The following CUX1 variants were observed in gnomAD, a reference collection of about 807,000 sequenced individuals.
The protein encoded by CUX1 is protein CASP.
In CUX1, 31 loss-of-function variants were observed where a neutral mutation model predicts 158.8. The ratio of observed to expected loss-of-function variants is 0.20; its 90% confidence interval spans 0.15 to 0.26. The LOEUF is 0.26. CUX1 is among the 10% of genes least tolerant of loss of function. CUX1 has a pLI of 1.00. For missense variants in CUX1, 1,589 were observed against 2,014.6 expected, an observed-to-expected ratio of 0.79 and a Z score of 4.04; for synonymous variants, 879 against 862.1, an observed-to-expected ratio of 1.02 and a Z score of -0.34.
chr7:101,861,888 G>T (rs1022484182), intron 1 of CUX1, among the ~76,000 whole-genome samples: 14 of 151,880 alleles, frequency 9.2e-5, no homozygotes, highest in Admixed American at 9.2e-4. Context: ...AGGCTGGAGT[G>T]CAGTGGCACA....
intron 4 of CUX1, among the ~76,000 whole-genome samples, chr7:102,086,045 G>C (rs1554480365): frequency 6.6e-6 from 1 of 152,090 alleles, no homozygotes; most frequent in East Asian, 1.9e-4. Flanking sequence ...TATCAAATTT[G>C]TTGGCATAAT....
At chr7:102,224,754 T>C (rs1554528067) in intron 20 of CUX1, among the ~76,000 whole-genome samples, 1 of 152,176 alleles carries the variant, frequency 6.6e-6, no homozygotes, top group East Asian at 1.9e-4. Flanking sequence ...GTACAGCCTC[T>C]GAGTTTCGTG....
At chr7:101,831,985 G>A (rs986925825) in intron 1 of CUX1, among the ~76,000 whole-genome samples, 5 of 152,076 alleles carry the variant, frequency 3.3e-5, no homozygotes, top group African/African-American at 4.8e-5. Context: ...GGCCTCAGGC[G>A]ATCCTCCTGC....
chr7:101,976,866 G>A (rs913093053), intron 2 of CUX1, among the ~76,000 whole-genome samples: 1 of 109,160 alleles, frequency 9.2e-6, no homozygotes, highest in African/African-American at 3.5e-5. Flanking sequence ...AGTTGATATT[G>A]TAACTAGAAT....
intron 1 of CUX1, among the ~76,000 whole-genome samples, chr7:101,848,051 C>CAAAAAAAAAAAAA (rs57428019): frequency 6.1e-5 from 4 of 65,366 alleles, no homozygotes; most frequent in South Asian, 6.0e-4. Context: ...GAGCAAGACT[C>CAAAAAAAAAAAAA]AAAAAAAAAA....
chr7:102,238,613 C>T (rs370155334), intron 22 of CUX1, among the ~76,000 whole-genome samples: 14 of 152,312 alleles, frequency 9.2e-5, no homozygotes, highest in African/African-American at 2.9e-4. Flanking sequence ...CTTGTGTCCT[C>T]GGTCTCTTGC....
chr7:102,178,399 C>G, intron 10 of CUX1, 70 bp from the exon 11 acceptor site: 1 of 1,424,292 alleles, frequency 7.0e-7, no homozygotes, highest in Non-Finnish European at 9.6e-7. Flanking sequence ...GTCTCAGTTG[C>G]CAGCACAGGT....
chr7:102,259,551 G>A (rs571155999), downstream of CUX1, among the ~76,000 whole-genome samples: 3 of 152,266 alleles, frequency 2.0e-5, no homozygotes, highest in Non-Finnish European at 2.9e-5. Flanking sequence ...TTGTGCCACT[G>A]CACTCCGGCC....
intron 1 of CUX1, among the ~76,000 whole-genome samples, chr7:101,887,842 C>CCTTTTTTTTTTTTT (rs1562966470): frequency 1.5e-5 from 2 of 135,038 alleles, no homozygotes; most frequent in Non-Finnish European, 1.6e-5. Context: ...ATGACGGTGA[C>CCTTTTTTTTTTTTT]ATTTTTTTTT....
downstream of CUX1, among the ~76,000 whole-genome samples, chr7:102,262,259 C>G (rs1554544036): frequency 6.6e-6 from 1 of 152,180 alleles, no homozygotes; most frequent in East Asian, 1.9e-4. Context: ...AAAAAATTAG[C>G]CAGGCGTGGT....
chr7:102,267,355 G>A (rs1055262668), intron 14 of CUX1, among the ~76,000 whole-genome samples: 2 of 151,882 alleles, frequency 1.3e-5, no homozygotes, highest in Non-Finnish European at 2.9e-5. Context: ...CCAACGTGAC[G>A]AAACTCTGTC....
At chr7:102,063,204 A>G (rs1354337976) in intron 3 of CUX1, among the ~76,000 whole-genome samples, 3 of 151,846 alleles carry the variant, frequency 2.0e-5, no homozygotes, top group African/African-American at 7.3e-5. Context: ...AGTAGCGGCC[A>G]TTAGTGCAGA....
At chr7:102,135,365 G>A (rs1394617322) in intron 8 of CUX1, among the ~76,000 whole-genome samples, 3 of 152,092 alleles carry the variant, frequency 2.0e-5, no homozygotes, top group Non-Finnish European at 1.5e-5. Flanking sequence ...CATCAAAAAG[G>A]TCTTCATCCC....
rs922289110 is a variant in CUX1 at position 101,911,062 on chromosome 7, G to A, written c.31-5053G>A. On this transcript the variant is annotated intron_variant, in intron 1 of 23. Transcript: ENST00000292535. ...CACCCCAGCTGTACACCAGCGTCAC[G>A]GGATGAGGGATGCCTGTGTGCACGT... Among the ~76,000 whole-genome samples the A allele has an allele frequency of 5.2e-5, 8 of 152,394 alleles. No homozygotes were observed. The East Asian group carries it at 9.6e-4, about 18-fold the overall frequency.
chr7:102,142,006 A>G (rs527264666), intron 8 of CUX1, among the ~76,000 whole-genome samples: 1 of 152,096 alleles, frequency 6.6e-6, no homozygotes, highest in African/African-American at 2.4e-5. Context: ...AAACCCTTGT[A>G]CTTGGGAGTA....
chr7:102,234,620 TAAG>T (rs1799336950), intron 22 of CUX1, among the ~76,000 whole-genome samples: 2 of 151,914 alleles, frequency 1.3e-5, no homozygotes, highest in South Asian at 2.1e-4. Flanking sequence ...GAGAGAGAAA[TAAG>T]AAATGCATTT....
At chr7:101,897,196 C>T (rs1284048834) in intron 1 of CUX1, among the ~76,000 whole-genome samples, 1 of 152,242 alleles carries the variant, frequency 6.6e-6, no homozygotes, top group Non-Finnish European at 1.5e-5. Flanking sequence ...ATCTCTGTCC[C>T]TGGATGACAG....
rs544715015 is a variant in CUX1 at position 101,830,200 on chromosome 7, G to T, written c.30+12531G>T. Among the ~76,000 whole-genome samples the T allele has an allele frequency of 6.8e-4, 103 of 152,316 alleles. 1 individual carries two copies. The highest frequency in any genetic ancestry group is 2.4e-3 in the African/African-American group (100 of 41,574). ...TGGGAAACTGGTTGATGTAGCCCCT[G>T]CAGTGATACCGCACTCAAATCCATG... On this transcript the variant is annotated intron_variant, in intron 1 of 23. Coordinates refer to ENST00000292535, the MANE Select transcript of CUX1 (RefSeq NM_181552.4).
rs142576420 is a variant in CUX1, at chr7:102,197,360, ATG to A, written c.1894+64_1894+65del. The A allele has an allele frequency of 5.0e-4, 784 of 1,563,030 alleles. 15 individuals are homozygous for A. In the East Asian group the frequency reaches 0.018, roughly 35 times the overall value. On this transcript the variant is annotated intron_variant, in intron 15 of 23. Transcript: ENST00000292535. ...GTGCGAGCCCGTCACAGAGTTGCAC[ATG>A]TGTGTGTGCATGCGTGCGTGTGTCT...
Sources: gnomAD v4.1 joint callset for allele counts (sites outside exome capture counted in the v4.1 genomes callset) on GRCh38, gnomAD v4.1.1 for gene constraint, MANE v1.5 for transcripts, NCBI Gene and HGNC (gene_info 2026-07-23, HGNC 2026-07-21) for gene names.